The following VAV3 variants were observed in gnomAD, a reference collection of about 807,000 sequenced individuals.
VAV3 encodes vav guanine nucleotide exchange factor 3, also known as guanine nucleotide exchange factor VAV3.
A neutral mutation model predicts 131.2 loss-of-function variants in VAV3; 94 were observed. The ratio of observed to expected loss-of-function variants is 0.72; its 90% CI spans 0.61 to 0.85. The LOEUF is 0.85. VAV3 is among the 40% of genes least tolerant of loss of function. The pLI is 0.00. For missense variants in VAV3, 939 were observed against 1,002.7 expected (o/e 0.94, Z 0.86); for synonymous variants, 349 against 342.0 (o/e 1.02, Z -0.22).
chr1:107,593,101 G>A (rs1035505261), intron 25 of VAV3, among the ~76,000 whole-genome samples: 3 of 151,982 alleles, frequency 2.0e-5, no homozygotes, highest in Admixed American at 6.6e-5. Flanking sequence ...CCATCACTCT[G>A]GGAGAGAGGC....
At position 107,642,728 on chromosome 1, in the gene VAV3, T is replaced by A. The variant is rs149049672; in HGVS notation, c.1805A>T (p.Asn602Ile). The change falls in exon 20 of 27, where the codon AAC becomes ATC. Residue 602 changes from asparagine (N) to isoleucine (I), a missense_variant. Coordinates refer to ENST00000370056, the MANE Select transcript of VAV3 (RefSeq NM_006113.5). Reference protein sequence around the residue: ...PGLPKMQVIRNYSGTPPPALH... With the variant: ...PGLPKMQVIRIYSGTPPPALH... Reference sequence around the variant, plus strand: ...AGCTGGGGGTGGTGTTCCAGAATAGTTCCTAATGACCTGCATCTTTGGTAA... The same window carrying A: ...AGCTGGGGGTGGTGTTCCAGAATAGATCCTAATGACCTGCATCTTTGGTAA... 1 of 1,613,426 alleles carries A rather than the reference T, an allele frequency of 6.2e-7. No homozygotes were observed. The highest frequency in any genetic ancestry group is 2.2e-5 in the East Asian group (1 of 44,840).
intron 20 of VAV3, among the ~76,000 whole-genome samples, chr1:107,622,161 A>G (rs984139040): frequency 3.4e-4 from 51 of 152,212 alleles, no homozygotes; most frequent in African/African-American, 1.2e-3. Flanking sequence ...TTCTTCTGAC[A>G]TTCCCGAACA....
intron 25 of VAV3, among the ~76,000 whole-genome samples, chr1:107,584,102 G>A (rs1255899911): frequency 4.6e-5 from 7 of 151,656 alleles, no homozygotes; most frequent in East Asian, 1.9e-4. Context: ...AAATAACACC[G>A]CATATCTACA....
chr1:107,795,555 G>A (rs1666497000), intron 2 of VAV3, among the ~76,000 whole-genome samples: 2 of 152,036 alleles, frequency 1.3e-5, no homozygotes, highest in African/African-American at 4.8e-5. Flanking sequence ...TGAATGCCCT[G>A]TCAAAATATG....
chr1:107,929,305 A>T (rs1024985201), intron 1 of VAV3, among the ~76,000 whole-genome samples: 3 of 146,682 alleles, frequency 2.0e-5, no homozygotes, highest in African/African-American at 7.4e-5. Context: ...AAAAAAAAAA[A>T]AATTATGCCC....
intron 15 of VAV3, among the ~76,000 whole-genome samples, chr1:107,736,212 A>C (rs1020097688): frequency 6.6e-6 from 1 of 152,206 alleles, no homozygotes; most frequent in Non-Finnish European, 1.5e-5. Flanking sequence ...GTATCTCAAA[A>C]TAATAAGAGG....
At chr1:107,723,582 A>G (rs1290096295) in intron 15 of VAV3, among the ~76,000 whole-genome samples, 2 of 116,240 alleles carry the variant, frequency 1.7e-5, no homozygotes, top group African/African-American at 5.8e-5. Context: ...AGTTGAAGCT[A>G]TATTAGATCA....
chr1:107,683,630 G>A, intron 18 of VAV3, 97 bp from the exon 19 acceptor site: 1 of 1,208,224 alleles, frequency 8.3e-7, no homozygotes, highest in Middle Eastern at 1.9e-4. Context: ...GCAAATGAAT[G>A]TTGCACATTT....
chr1:107,829,877 C>G (rs1053155923), intron 2 of VAV3, among the ~76,000 whole-genome samples: 7 of 152,054 alleles, frequency 4.6e-5, no homozygotes, highest in African/African-American at 1.4e-4. Context: ...TCATACATCC[C>G]TTTGGAATGA....
chr1:107,909,847 T>TA (rs548903936), intron 1 of VAV3, among the ~76,000 whole-genome samples: 60 of 152,320 alleles, frequency 3.9e-4, no homozygotes, highest in African/African-American at 1.4e-3. Context: ...CAGTGAAGAA[T>TA]ACATTAAATA....
intron 22 of VAV3, chr1:107,609,703 A>G: frequency 2.3e-6 from 1 of 427,522 alleles, no homozygotes. Flanking sequence ...ACTTTAAATT[A>G]TCAGTCTAGG....
At chr1:107,628,839 A>G (rs535163696) in intron 20 of VAV3, among the ~76,000 whole-genome samples, 1 of 152,294 alleles carries the variant, frequency 6.6e-6, no homozygotes, top group Non-Finnish European at 1.5e-5. Flanking sequence ...CCCTTTAAAG[A>G]CACAGTTCTA....
chr1:107,944,771 A>AT (rs916454589), intron 1 of VAV3, among the ~76,000 whole-genome samples: 2 of 151,772 alleles, frequency 1.3e-5, no homozygotes, highest in African/African-American at 2.4e-5. Context: ...CACCCAGCTA[A>AT]TTTTTTTGTA....
At chr1:107,714,192 C>T (rs1324857602) in intron 15 of VAV3, among the ~76,000 whole-genome samples, 1 of 152,110 alleles carries the variant, frequency 6.6e-6, no homozygotes, top group African/African-American at 2.4e-5. Flanking sequence ...ACAGGAATCA[C>T]TCTCCATATA....
chr1:107,907,200 G>A (rs1233979319), intron 1 of VAV3, among the ~76,000 whole-genome samples: 7 of 152,146 alleles, frequency 4.6e-5, no homozygotes, highest in Non-Finnish European at 8.8e-5. Context: ...AATTTTCCCT[G>A]AAGAATAAAT....
intron 2 of VAV3, among the ~76,000 whole-genome samples, chr1:107,823,543 A>G (rs375170736): frequency 6.6e-6 from 1 of 152,146 alleles, no homozygotes; most frequent in African/African-American, 2.4e-5. Flanking sequence ...GTGGAACTCC[A>G]AATTTTAGAG....
At chr1:107,827,395 G>A in intron 2 of VAV3, among the ~76,000 whole-genome samples, 1 of 152,146 alleles carries the variant, frequency 6.6e-6, no homozygotes, top group East Asian at 1.9e-4. Flanking sequence ...ACACTCATCA[G>A]GGTGTATCTC....
At chr1:107,602,276 A>G in intron 24 of VAV3, 121 bp downstream of exon 24, 1 of 610,730 alleles carries the variant, frequency 1.6e-6, no homozygotes, top group Non-Finnish European at 2.7e-6. Flanking sequence ...AAATTAGAAT[A>G]TGATTATCTT....
intron 13 of VAV3, among the ~76,000 whole-genome samples, chr1:107,750,643 A>G (rs1271478504): frequency 6.6e-6 from 1 of 152,220 alleles, no homozygotes; most frequent in Non-Finnish European, 1.5e-5. Flanking sequence ...CTGTTTGATG[A>G]TTACATATAT....
Sources: gnomAD v4.1 joint callset for allele counts (sites outside exome capture counted in the v4.1 genomes callset) on GRCh38, gnomAD v4.1.1 for gene constraint, MANE v1.5 for transcripts, NCBI Gene and HGNC (gene_info 2026-07-23, HGNC 2026-07-21) for gene names.